The following UGT1A10 variants were observed in gnomAD, a reference collection of about 807,000 sequenced individuals.
The protein encoded by UGT1A10 is UDP glucuronosyltransferase family 1 member A10.
UGT1A10 carries 49 observed loss-of-function variants against 45.8 expected under a neutral mutation model. The ratio of observed to expected loss-of-function variants is 1.07; its 90% CI spans 0.85 to 1.36. UGT1A10 has a LOEUF of 1.36. UGT1A10 is among the 40% of genes most tolerant of loss of function. The probability of loss-of-function intolerance (pLI) is 0.00; values close to 1 mark genes in which losing one functional copy is unlikely to be tolerated. For synonymous variants in UGT1A10, 284 were observed against 249.7 expected (o/e 1.14, Z -1.29); for missense variants, 745 against 668.6 (o/e 1.11, Z -1.26).
At chr2:233,655,969 G>T (rs1199072174) in intron 1 of UGT1A10, among the ~76,000 whole-genome samples, 1 of 152,116 alleles carries the variant, frequency 6.6e-6, no homozygotes, top group African/African-American at 2.4e-5. Context: ...TATATTTCTT[G>T]GAAAAGGTTA....
At chr2:233,730,184 G>T (rs1575587766) in intron 1 of UGT1A10, among the ~76,000 whole-genome samples, 1 of 152,132 alleles carries the variant, frequency 6.6e-6, no homozygotes, top group South Asian at 2.1e-4. Context: ...GTTTTAAATG[G>T]TCACTGAGAG....
chr2:233,672,196 CG>C (rs1559334131), intron 1 of UGT1A10: 4 of 1,614,084 alleles, frequency 2.5e-6, no homozygotes, highest in Non-Finnish European at 3.4e-6. Context: ...GGATCTGGAC[CG>C]GGAGTTCAAG....
chr2:233,708,130 C>T (rs1343190051), intron 1 of UGT1A10, among the ~76,000 whole-genome samples: 1 of 152,208 alleles, frequency 6.6e-6, no homozygotes, highest in Non-Finnish European at 1.5e-5. Flanking sequence ...TCACTGTGCT[C>T]CTGTGTGGGA....
chr2:233,707,168 A>G lies in UGT1A10; in HGVS notation c.856-59866A>G, dbSNP rs564906644. Among the ~76,000 whole-genome samples the G allele has an allele frequency of 1.5e-4, 23 of 152,172 alleles. No homozygotes were observed. The East Asian group carries it at 4.3e-3, about 28-fold the overall frequency. On this transcript the variant is annotated intron_variant, in intron 1 of 4. Transcript: ENST00000344644. ...CACTGCAGTTTATCAGCACCCAGAC[A>G]TCCATCCTGGGTGCCTGCCCTCCGT...
chr2:233,662,779 G>A (rs1254819582), intron 1 of UGT1A10, among the ~76,000 whole-genome samples: 3 of 149,282 alleles, frequency 2.0e-5, no homozygotes, highest in Admixed American at 6.7e-5. Context: ...CCCTTCATTA[G>A]CTTTGGAAAC....
intron 1 of UGT1A10, among the ~76,000 whole-genome samples, chr2:233,724,299 A>G (rs1357747984): frequency 8.9e-6 from 1 of 112,936 alleles, no homozygotes; most frequent in African/African-American, 3.5e-5. Flanking sequence ...TGACCCCCCC[A>G]CCTCCCTCCC....
At chr2:233,679,202 G>A (rs75444879) in intron 1 of UGT1A10, among the ~76,000 whole-genome samples, 53,571 of 151,738 alleles carry the variant, frequency 0.35, 9,582 homozygotes, top group South Asian at 0.44. Context: ...TGTTGAACTT[G>A]TGGGTTCTGG....
intron 1 of UGT1A10, chr2:233,718,924 C>A: frequency 6.2e-7 from 1 of 1,614,056 alleles, no homozygotes; most frequent in Non-Finnish European, 8.5e-7. Flanking sequence ...TTGGTGGTGC[C>A]CACTGATGGC....
intron 1 of UGT1A10, among the ~76,000 whole-genome samples, chr2:233,654,928 C>G (rs2073823054): frequency 6.6e-6 from 1 of 152,060 alleles, no homozygotes; most frequent in South Asian, 2.1e-4. Context: ...CCCGTCTCTA[C>G]TAAAAATACA....
intron 1 of UGT1A10, among the ~76,000 whole-genome samples, chr2:233,735,969 A>C (rs1327406953): frequency 2.0e-5 from 3 of 152,092 alleles, no homozygotes; most frequent in Admixed American, 2.0e-4. Context: ...AACTTTGGTG[A>C]ATCTGACAAT....
chr2:233,671,782 T>G, intron 1 of UGT1A10: 2 of 1,403,528 alleles, frequency 1.4e-6, no homozygotes, highest in Non-Finnish European at 1.9e-6. Flanking sequence ...TCTTGTTCTT[T>G]TGGGTAAATC....
chr2:233,739,804 C>T (rs901133058), intron 1 of UGT1A10, among the ~76,000 whole-genome samples: 1 of 152,002 alleles, frequency 6.6e-6, no homozygotes, highest in Non-Finnish European at 1.5e-5. Flanking sequence ...GTTGGGAAGG[C>T]ATGATTGGTT....
intron 1 of UGT1A10, among the ~76,000 whole-genome samples, chr2:233,758,340 C>G (rs1004425999): frequency 6.6e-6 from 1 of 152,226 alleles, no homozygotes; most frequent in Non-Finnish European, 1.5e-5. Flanking sequence ...CTTGGAAGCT[C>G]TGCATGATGC....
intron 1 of UGT1A10, among the ~76,000 whole-genome samples, chr2:233,744,545 T>A (rs1042010726): frequency 6.6e-6 from 1 of 151,936 alleles, no homozygotes; most frequent in Non-Finnish European, 1.5e-5. Context: ...TAAATTTTAT[T>A]AAGACAAAAT....
intron 1 of UGT1A10, among the ~76,000 whole-genome samples, chr2:233,641,466 T>C (rs1297795441): frequency 6.6e-6 from 1 of 152,254 alleles, no homozygotes; most frequent in Admixed American, 6.5e-5. Context: ...ACTGCCTATA[T>C]CTTAAAAAGT....
chr2:233,742,787 T>A (rs955891060), intron 1 of UGT1A10: 16 of 153,018 alleles, frequency 1.0e-4, no homozygotes, highest in African/African-American at 3.9e-4. Flanking sequence ...TGAACCATCA[T>A]TAAATTAAGC....
At chr2:233,692,444 G>A (rs1365940392) in intron 1 of UGT1A10, 1 of 156,726 alleles carries the variant, frequency 6.4e-6, no homozygotes, top group Non-Finnish European at 1.4e-5. Flanking sequence ...GGGTAACCTG[G>A]GGACCTACTA....
chr2:233,768,154 C>G, intron 3 of UGT1A10, 66 bp from the exon 4 acceptor site: 1 of 1,612,760 alleles, frequency 6.2e-7, no homozygotes, highest in Non-Finnish European at 8.5e-7. Context: ...TTTTCAGAAC[C>G]TAGATGTGTC....
intron 1 of UGT1A10, among the ~76,000 whole-genome samples, chr2:233,680,206 C>T (rs777098137): frequency 6.6e-6 from 1 of 152,090 alleles, no homozygotes; most frequent in Non-Finnish European, 1.5e-5. Context: ...ATTAGTTGCA[C>T]TTTATAGTCC....
Sources: gnomAD v4.1 joint callset for allele counts (sites outside exome capture counted in the v4.1 genomes callset) on GRCh38, gnomAD v4.1.1 for gene constraint, MANE v1.5 for transcripts, NCBI Gene and HGNC (gene_info 2026-07-23, HGNC 2026-07-21) for gene names.